The following TUBA3C variants were observed in gnomAD, a reference collection of about 807,000 sequenced individuals.
The protein encoded by TUBA3C is tubulin alpha 3c.
In TUBA3C, 23 loss-of-function variants were observed where a neutral mutation model predicts 33.4. That is an observed-to-expected ratio of 0.69 (90% confidence interval 0.50 to 0.98). The LOEUF is 0.98. Ranked by LOEUF, TUBA3C falls within the 50% of genes least tolerant of loss-of-function variation. The pLI is 0.00. For synonymous variants in TUBA3C, 269 were observed against 250.4 expected (o/e 1.07, Z -0.70); for missense variants, 402 against 616.0 (o/e 0.65, Z 3.68).
intron 4 of TUBA3C, 54 bp from the exon 5 acceptor site, chr13:19,174,213 G>C: frequency 1.3e-6 from 2 of 1,547,154 alleles, no homozygotes; most frequent in Admixed American, 2.0e-5. Flanking sequence ...ACCTGGAAAT[G>C]GTGGCTGCTT....
intron 4 of TUBA3C, among the ~76,000 whole-genome samples, chr13:19,176,104 G>C (rs560783186): frequency 6.6e-6 from 1 of 151,376 alleles, no homozygotes; most frequent in East Asian, 2.0e-4. Flanking sequence ...TGGGTGACAG[G>C]TGGGATTCTG....
In TUBA3C at chr13:19,181,821, C is replaced by T. The variant is rs558780935; in HGVS notation, c.-74G>A. The T allele has an allele frequency of 7.0e-5, 111 of 1,581,996 alleles. No individual in the cohort carries two copies. Among genetic ancestry groups the T allele is most frequent in the Middle Eastern group, 5.1e-4 (3 of 5,840 alleles). On this transcript the variant is annotated 5_prime_UTR_variant, in exon 1 of 5. Coordinates refer to ENST00000400113, the MANE Select transcript of TUBA3C (RefSeq NM_006001.3). ...CGCCGCTGCAGCTGCGCACGCCCAA[C>T]GACAGCCTCCCGCCGTGCGCTGTCT...
intron 3 of TUBA3C, 40 bp downstream of exon 3, chr13:19,178,206 C>T (rs1466944557): frequency 1.2e-6 from 2 of 1,610,560 alleles, no homozygotes; most frequent in African/African-American, 1.3e-5. Context: ...ATCTACCCTC[C>T]TGTGCAGGAC....
At chr13:19,176,625 G>A (rs543690402) in intron 4 of TUBA3C, among the ~76,000 whole-genome samples, 1 of 146,422 alleles carries the variant, frequency 6.8e-6, no homozygotes, top group African/African-American at 2.5e-5. Context: ...GTGGTGGTGG[G>A]TGCCTGTAAT....
At chr13:19,179,781 A>T (rs1012155257) in intron 1 of TUBA3C, among the ~76,000 whole-genome samples, 4 of 152,192 alleles carry the variant, frequency 2.6e-5, no homozygotes, top group Non-Finnish European at 5.9e-5. Flanking sequence ...AGGTAGCCCT[A>T]GAACCTAATG....
rs369300007 is a variant in TUBA3C at position 19,177,256 on chromosome 13, G to T, written c.727C>A (p.Arg243=). 6.2e-7 allele frequency: 1 copy of T among 1,614,108 alleles called. No homozygotes were observed. The highest frequency in any genetic ancestry group is 8.5e-7 in the Non-Finnish European group (1 of 1,180,032). ...QIVSSITASL[R]FDGALNVDLT... ...TCCACATTCAGGGCCCCGTCAAATC[G>T]CAGGGAGGCCGTGATGGAGGACACG... Residue 243 remains arginine, a synonymous_variant, in exon 4 of 5, where the codon CGA becomes AGA. Transcript: ENST00000400113. This position sits in a 1 kb window ranked among gnomAD's most constrained non-coding sequence, Gnocchi z 5.0.
In TUBA3C at chr13:19,178,303, G is replaced by T; in HGVS notation, c.318C>A (p.Gly106=). ...CGATCTCCTTGCCGATGGTGTAATG[G>T]CCTCTGGCGTAATTATTGGCCGCAT... ...KEDAANNYAR[G]HYTIGKEIVD... is the part of the protein sequence containing the mutation. Residue 106 remains glycine (G), a synonymous_variant, in exon 3 of 5, where the codon GGC becomes GGA. Coordinates refer to ENST00000400113, the MANE Select transcript of TUBA3C (RefSeq NM_006001.3). The T allele has an allele frequency of 2.5e-6, 4 of 1,614,208 alleles. No homozygotes were observed. Among genetic ancestry groups the T allele is most frequent in the Non-Finnish European group, 3.4e-6 (4 of 1,180,046 alleles).
intron 1 of TUBA3C, 71 bp from the exon 2 acceptor site, chr13:19,179,634 T>C: frequency 6.6e-7 from 1 of 1,508,240 alleles, no homozygotes; most frequent in South Asian, 1.3e-5. Flanking sequence ...ATGCAAAATA[T>C]TATAATTTAA....
chr13:19,176,725 CAAAAAA>C (rs55746544), intron 4 of TUBA3C, among the ~76,000 whole-genome samples, 196 bp downstream of exon 4: 13 of 34,604 alleles, frequency 3.8e-4, no homozygotes, highest in South Asian at 1.5e-3. Flanking sequence ...GACTCTGCCT[CAAAAAA>C]AAAAAAAAAA....
chr13:19,179,320 A>G lies in TUBA3C; in HGVS notation c.226+21T>C, dbSNP rs201358429. 4 of 1,613,464 alleles carry G rather than the reference A, an allele frequency of 2.5e-6. No individual in the cohort carries two copies. The East Asian group carries it at 8.9e-5, about 36-fold the overall frequency. On this transcript the variant is annotated intron_variant, in intron 2 of 4. Transcript: ENST00000400113. ...CTCCCACCCTCCTAAGAAAGCTGCC[A>G]TCCAGGACCCGAGCACCTACCGACC...
intron 1 of TUBA3C, among the ~76,000 whole-genome samples, chr13:19,181,069 T>C (rs78449894): frequency 2.0e-5 from 3 of 151,792 alleles, no homozygotes; most frequent in East Asian, 3.9e-4. Context: ...TTTTTTTTTT[T>C]TGAGGCAGGG....
chr13:19,178,233 C>T lies in TUBA3C; in HGVS notation c.375+13G>A. 2 of 1,614,008 alleles carry T rather than the reference C, an allele frequency of 1.2e-6. No individual in the cohort carries two copies. The highest frequency in any genetic ancestry group is 1.7e-6 in the Non-Finnish European group (2 of 1,179,914). ...GTGCAGGACAATGGTCACATGAAGC[C>T]TTCTCTTCTTACCAGTTTGCGGATC... On this transcript the variant is annotated intron_variant, in intron 3 of 4. Transcript: ENST00000400113.
At position 19,181,611 on chromosome 13, in the gene TUBA3C, G is replaced by A; in HGVS notation, c.3+134C>T. The A allele has an allele frequency of 8.5e-6, 11 of 1,290,558 alleles. 1 individual carries two copies. The South Asian group carries it at 1.4e-4, about 16-fold the overall frequency. 79.9% of individuals were successfully genotyped at this position (1,290,558 alleles called of 1,614,324 possible). On this transcript the variant is annotated intron_variant, in intron 1 of 4. Transcript: ENST00000400113. ...GCCGTGTCCTCGTGTCCCGCCCTGGGCCCCGCATCCTTCTCTGACCTCCTT... is the reference window on the plus strand; with the variant it reads ...GCCGTGTCCTCGTGTCCCGCCCTGGACCCCGCATCCTTCTCTGACCTCCTT...
rs1012024530 is a variant in TUBA3C, at chr13:19,178,173, T to C, written c.375+73A>G. On this transcript the variant is annotated intron_variant, in intron 3 of 4. Coordinates refer to ENST00000400113, the MANE Select transcript of TUBA3C (RefSeq NM_006001.3). ...CGCACTGGTCTAGGTTTTGACAAAA[T>C]GACCTCCCCTTCACAATCTAAGATC... 5 of 1,582,368 alleles carry C rather than the reference T, an allele frequency of 3.2e-6. No homozygotes were observed. The African/African-American group carries it at 4.0e-5, about 13-fold the overall frequency.
chr13:19,174,433 ATT>A (rs11312319), intron 4 of TUBA3C, among the ~76,000 whole-genome samples: 9,244 of 145,194 alleles, frequency 0.064, 328 homozygotes, highest in Middle Eastern at 0.11. Context: ...CATGCCCAGC[ATT>A]TTTTTTTTTT....
intron 1 of TUBA3C, among the ~76,000 whole-genome samples, chr13:19,180,381 T>TG (rs397769988): frequency 2.7e-5 from 4 of 147,836 alleles, no homozygotes; most frequent in Non-Finnish European, 6.0e-5. Flanking sequence ...GCACTGTCCT[T>TG]GGTGGTTTCT....
intron 4 of TUBA3C, 101 bp from the exon 5 acceptor site, chr13:19,174,260 G>C: frequency 6.9e-7 from 1 of 1,443,826 alleles, no homozygotes; most frequent in Non-Finnish European, 9.2e-7. Context: ...GTGAACAGGA[G>C]AATTCTCAGT....
rs142121222 is a variant in TUBA3C, at chr13:19,175,904, C to T, written c.1056+1023G>A. Among the ~76,000 whole-genome samples the T allele has an allele frequency of 1.9e-3, 282 of 152,246 alleles. 1 individual carries two copies. The highest frequency in any genetic ancestry group is 4.5e-3 in the African/African-American group (186 of 41,548). On this transcript the variant is annotated intron_variant, in intron 4 of 4. Coordinates refer to ENST00000400113, the MANE Select transcript of TUBA3C (RefSeq NM_006001.3). ...GATTACAGGTGCCCGCCACCATACCCGGCTAATTTTTGTATTTTTAGTAGA... is the reference window on the plus strand; with the variant it reads ...GATTACAGGTGCCCGCCACCATACCTGGCTAATTTTTGTATTTTTAGTAGA...
intron 1 of TUBA3C, among the ~76,000 whole-genome samples, chr13:19,180,578 T>C (rs1423070303): frequency 6.6e-6 from 1 of 151,526 alleles, no homozygotes; most frequent in Non-Finnish European, 1.5e-5. Context: ...CTCAGCTCAC[T>C]GCAGCCTCTG....
Sources: allele counts gnomAD v4.1 joint callset (sites outside exome capture counted in the v4.1 genomes callset), GRCh38; gene constraint gnomAD v4.1.1; non-coding constraint Gnocchi (gnomAD v3.1); transcripts MANE v1.5; gene names NCBI Gene and HGNC (gene_info 2026-07-23, HGNC 2026-07-21).